Variants in GTF2F2 observed in about 807,000 individuals in gnomAD.
GTF2F2 encodes general transcription factor IIF subunit 2.
A neutral mutation model predicts 42.2 loss-of-function variants in GTF2F2; 23 were observed. The observed-to-expected ratio is 0.55, with a 90% confidence interval of 0.39 to 0.77. The LOEUF is 0.77. Among genes scored for constraint, GTF2F2 ranks in the 30% least tolerant of loss-of-function variants. The probability of loss-of-function intolerance (pLI) is 0.00; values close to 1 mark genes in which losing one functional copy is unlikely to be tolerated. For missense variants in GTF2F2, 261 were observed against 287.2 expected, an observed-to-expected ratio of 0.91 and a Z score of 0.66; for synonymous variants, 105 against 100.8, an observed-to-expected ratio of 1.04 and a Z score of -0.25.
rs563994849 is a variant in GTF2F2 at position 45,245,294 on chromosome 13, A to AT, written c.387-7565dup. ...AATCTGAGCCCAGTTATTCTTTAAAATTTTTTTTTTTTAATTTTTAGTAGG... is the reference window on the plus strand; with the variant it reads ...AATCTGAGCCCAGTTATTCTTTAAAATTTTTTTTTTTTTAATTTTTAGTAGG... On this transcript the variant is annotated intron_variant, in intron 5 of 7. Coordinates refer to ENST00000340473, the MANE Select transcript of GTF2F2 (RefSeq NM_004128.3). Among the ~76,000 whole-genome samples, 489 of 148,480 alleles carry AT rather than the reference A, an allele frequency of 3.3e-3. 1 individual carries two copies. Among genetic ancestry groups the AT allele is most frequent in the African/African-American group, 1.0e-2 (405 of 40,698 alleles).
chr13:45,229,531 TAGA>T (rs1284846700), intron 5 of GTF2F2, among the ~76,000 whole-genome samples: 4 of 152,042 alleles, frequency 2.6e-5, no homozygotes, highest in African/African-American at 9.7e-5. Context: ...TTTTTGGGGA[TAGA>T]AGGAGGCTCA....
At chr13:45,234,874 C>T (rs913656794) in intron 5 of GTF2F2, among the ~76,000 whole-genome samples, 8 of 151,758 alleles carry the variant, frequency 5.3e-5, no homozygotes, top group East Asian at 1.9e-4. Flanking sequence ...GGAGCAACCC[C>T]GTCTCTACTA....
intron 5 of GTF2F2, among the ~76,000 whole-genome samples, chr13:45,226,193 G>A (rs1440071863): frequency 2.0e-5 from 3 of 152,080 alleles, no homozygotes; most frequent in African/African-American, 7.2e-5. Context: ...TGTGTGATAC[G>A]AATTCAGTAC....
chr13:45,131,927 AGAG>A (rs1566108862), intron 1 of GTF2F2, among the ~76,000 whole-genome samples: 53 of 145,454 alleles, frequency 3.6e-4, no homozygotes, highest in African/African-American at 1.3e-3. Context: ...AAAAAGAGAG[AGAG>A]AGAAAAGGTA....
chr13:45,156,774 A>C (rs1239994381), intron 4 of GTF2F2, among the ~76,000 whole-genome samples: 1 of 152,214 alleles, frequency 6.6e-6, no homozygotes, highest in South Asian at 2.1e-4. Context: ...GAAAATATTC[A>C]AAGAAATGGG....
chr13:45,217,246 C>T (rs36092182), intron 5 of GTF2F2, among the ~76,000 whole-genome samples: 2 of 148,572 alleles, frequency 1.3e-5, no homozygotes, highest in African/African-American at 5.0e-5. Flanking sequence ...TACAGTGAGC[C>T]GAGATCACGC....
chr13:45,191,766 A>G (rs1872666883), intron 4 of GTF2F2, among the ~76,000 whole-genome samples: 1 of 152,182 alleles, frequency 6.6e-6, no homozygotes, highest in Non-Finnish European at 1.5e-5. Flanking sequence ...AAGTGTGAGG[A>G]GGAATTAAAT....
intron 7 of GTF2F2, among the ~76,000 whole-genome samples, chr13:45,278,421 C>T (rs957583204): frequency 2.6e-5 from 4 of 152,220 alleles, no homozygotes; most frequent in African/African-American, 9.7e-5. Context: ...CTCTCCCACA[C>T]ATCCTTTTGA....
intron 5 of GTF2F2, among the ~76,000 whole-genome samples, chr13:45,238,301 T>C (rs1017513825): frequency 2.0e-5 from 3 of 152,154 alleles, no homozygotes; most frequent in African/African-American, 7.2e-5. Context: ...TCATTCATCA[T>C]CCATTGGAGT....
chr13:45,135,703 A>C (rs73181592), intron 1 of GTF2F2, among the ~76,000 whole-genome samples: 188 of 152,282 alleles, frequency 1.2e-3, no homozygotes, highest in Non-Finnish European at 2.0e-3. Context: ...GTTTTTTTGC[A>C]CATGAAGTAC....
rs1454861560 is a variant in GTF2F2, at chr13:45,284,686, A to G, written c.*1125A>G. 5 of 152,184 alleles carry G rather than the reference A, an allele frequency of 3.3e-5. No homozygotes were observed. The highest frequency in any genetic ancestry group is 1.2e-4 in the African/African-American group (5 of 41,454). 9.4% of individuals were successfully genotyped at this position (152,184 alleles called of 1,614,324 possible). On this transcript the variant is annotated 3_prime_UTR_variant, in exon 8 of 8. Transcript: ENST00000340473. Reference sequence around the variant, plus strand: ...CATAGTGTTTGCAGGAAAAAAAGAGAAAAAATAATAAAAATAAGGAAGGAG... The same window carrying G: ...CATAGTGTTTGCAGGAAAAAAAGAGGAAAAATAATAAAAATAAGGAAGGAG...
chr13:45,162,663 A>G (rs17066500), intron 4 of GTF2F2, among the ~76,000 whole-genome samples: 2 of 152,218 alleles, frequency 1.3e-5, no homozygotes, highest in Non-Finnish European at 2.9e-5. Context: ...GTATTCATGC[A>G]TAAATATGTG....
At chr13:45,177,407 A>G (rs892412031) in intron 4 of GTF2F2, among the ~76,000 whole-genome samples, 7 of 152,214 alleles carry the variant, frequency 4.6e-5, no homozygotes, top group South Asian at 2.1e-4. Flanking sequence ...AATTCCAGAA[A>G]TAATACCAAA....
intron 5 of GTF2F2, among the ~76,000 whole-genome samples, chr13:45,213,240 G>A (rs565080051): frequency 1.3e-5 from 2 of 151,928 alleles, no homozygotes; most frequent in Admixed American, 6.6e-5. Context: ...CACCACGCCC[G>A]GCTAATTTTT....
At chr13:45,139,918 T>C (rs1266296417) in intron 2 of GTF2F2, among the ~76,000 whole-genome samples, 1 of 152,186 alleles carries the variant, frequency 6.6e-6, no homozygotes, top group Non-Finnish European at 1.5e-5. Flanking sequence ...CTCAAGTCCT[T>C]TATATAAAAT....
At chr13:45,130,730 T>G (rs1233939108) in intron 1 of GTF2F2, among the ~76,000 whole-genome samples, 1 of 152,194 alleles carries the variant, frequency 6.6e-6, no homozygotes, top group Non-Finnish European at 1.5e-5. Flanking sequence ...TGCCTTTTAT[T>G]AAGATACGGA....
At chr13:45,226,424 C>G (rs1423429602) in intron 5 of GTF2F2, among the ~76,000 whole-genome samples, 1 of 152,116 alleles carries the variant, frequency 6.6e-6, no homozygotes, top group Non-Finnish European at 1.5e-5. Context: ...TGAGATGGCA[C>G]TTTAAAAGTT....
At chr13:45,180,123 C>T (rs1224836116) in intron 4 of GTF2F2, among the ~76,000 whole-genome samples, 1 of 152,172 alleles carries the variant, frequency 6.6e-6, no homozygotes, top group East Asian at 1.9e-4. Flanking sequence ...TGTGTTATCA[C>T]TTCATCAAGG....
chr13:45,151,557 T>G, intron 3 of GTF2F2, 130 bp from the exon 4 acceptor site: 1 of 563,920 alleles, frequency 1.8e-6, no homozygotes, highest in Non-Finnish European at 3.0e-6. Flanking sequence ...TATTAAGGAG[T>G]TTTTAATAAA....
Sources: allele counts gnomAD v4.1 joint callset (sites outside exome capture counted in the v4.1 genomes callset), GRCh38; gene constraint gnomAD v4.1.1; transcripts MANE v1.5; gene names NCBI Gene and HGNC (gene_info 2026-07-23, HGNC 2026-07-21).